Variants in VAT1L observed in about 807,000 individuals in gnomAD.
VAT1L encodes the protein vesicle amine transport 1 like.
In VAT1L, 34 loss-of-function variants were observed where a neutral mutation model predicts 44.1. The observed-to-expected ratio is 0.77, with a 90% confidence interval of 0.59 to 1.03. The LOEUF is 1.03. VAT1L is among the 50% of genes least tolerant of loss of function. VAT1L has a pLI of 0.00. For synonymous variants in VAT1L, 253 were observed against 202.2 expected (o/e 1.25, Z -2.13); for missense variants, 615 against 538.8 (o/e 1.14, Z -1.40).
rs1173601850 is a variant in VAT1L at position 77,817,032 on chromosome 16, C to A, written c.345C>A (p.Asp115Glu). 1 of 1,613,834 alleles carries A rather than the reference C, an allele frequency of 6.2e-7. No homozygotes were observed. Among genetic ancestry groups the A allele is most frequent in the Non-Finnish European group, 8.5e-7 (1 of 1,179,870 alleles). Reference protein sequence around the residue: ...ECSGIVEALGDSVKGYEIGDR... With the variant: ...ECSGIVEALGESVKGYEIGDR... Reference sequence around the variant, plus strand: ...CTGGGATTGTTGAAGCTCTGGGGGACAGCGTGAAAGGATATGAGGTAATGT... The same window carrying A: ...CTGGGATTGTTGAAGCTCTGGGGGAAAGCGTGAAAGGATATGAGGTAATGT... The change falls in exon 2 of 9, where the codon GAC (aspartate) becomes GAA (glutamate). Residue 115 changes from aspartate to glutamate, a missense_variant. Coordinates refer to ENST00000302536, the MANE Select transcript of VAT1L (RefSeq NM_020927.3).
chr16:77,854,132 G>GA (rs796642195), intron 3 of VAT1L, among the ~76,000 whole-genome samples: 126 of 141,412 alleles, frequency 8.9e-4, no homozygotes, highest in Middle Eastern at 3.6e-3. Flanking sequence ...TGTCTCAAAC[G>GA]AAAAAAAAAA....
chr16:77,906,753 G>A (rs983726780), intron 7 of VAT1L, among the ~76,000 whole-genome samples: 4 of 152,202 alleles, frequency 2.6e-5, no homozygotes, highest in Non-Finnish European at 5.9e-5. Flanking sequence ...GGTTGTGCAT[G>A]TGAGTGGGCT....
chr16:77,948,323 C>T (rs1280287190), intron 7 of VAT1L, among the ~76,000 whole-genome samples: 2 of 152,196 alleles, frequency 1.3e-5, no homozygotes, highest in Non-Finnish European at 2.9e-5. Context: ...TGAAAGGGTA[C>T]ACTTGTCTAT....
chr16:77,971,025 T>A (rs374364516), intron 7 of VAT1L, among the ~76,000 whole-genome samples: 1 of 151,308 alleles, frequency 6.6e-6, no homozygotes, highest in African/African-American at 2.4e-5. Context: ...TTTTTTTTCT[T>A]AATCAAGAGA....
chr16:77,792,395 A>G (rs1945172172), intron 1 of VAT1L, among the ~76,000 whole-genome samples: 1 of 152,122 alleles, frequency 6.6e-6, no homozygotes, highest in South Asian at 2.1e-4. Context: ...AACCTGACGC[A>G]GGGATCCTTT....
chr16:77,966,082 T>A (rs771687879), intron 7 of VAT1L, among the ~76,000 whole-genome samples: 6 of 152,244 alleles, frequency 3.9e-5, no homozygotes, highest in Non-Finnish European at 7.3e-5. Context: ...TGAGTATATA[T>A]TGAAATAACA....
At chr16:77,823,790 G>A (rs1417208938) in intron 2 of VAT1L, among the ~76,000 whole-genome samples, 3 of 152,136 alleles carry the variant, frequency 2.0e-5, no homozygotes, top group South Asian at 2.1e-4. Context: ...AGGCCAAGGC[G>A]GGTGGATCAC....
chr16:77,970,051 TAAAAAAAAAAAA>T, intron 7 of VAT1L, among the ~76,000 whole-genome samples: 1 of 86,822 alleles, frequency 1.2e-5, no homozygotes, highest in African/African-American at 4.8e-5. Flanking sequence ...ACATCTCTAC[TAAAAAAAAAAAA>T]AAAAAAAAAA....
At chr16:77,902,318 A>G (rs2017391426) in intron 7 of VAT1L, among the ~76,000 whole-genome samples, 1 of 152,218 alleles carries the variant, frequency 6.6e-6, no homozygotes, top group African/African-American at 2.4e-5. Flanking sequence ...ACAATAGTCA[A>G]TGGGGTTTTT....
chr16:77,954,263 A>C (rs173857), intron 7 of VAT1L, among the ~76,000 whole-genome samples: 66,407 of 152,082 alleles, frequency 0.44, 14,709 homozygotes, highest in Middle Eastern at 0.5. Context: ...AGTCACGGCT[A>C]TCTGCTGCTT....
intron 7 of VAT1L, among the ~76,000 whole-genome samples, chr16:77,886,773 T>A (rs1362795962): frequency 6.6e-6 from 1 of 152,154 alleles, no homozygotes; most frequent in Non-Finnish European, 1.5e-5. Context: ...TATACGTTGG[T>A]GAGTGGAGGG....
intron 7 of VAT1L, among the ~76,000 whole-genome samples, chr16:77,888,761 TA>T (rs1243730099): frequency 1.3e-5 from 2 of 152,100 alleles, no homozygotes; most frequent in African/African-American, 4.8e-5. Flanking sequence ...GGGACAAGGG[TA>T]GGGGCAAAAC....
At chr16:77,916,037 T>A (rs1454652440) in intron 7 of VAT1L, among the ~76,000 whole-genome samples, 1 of 152,194 alleles carries the variant, frequency 6.6e-6, no homozygotes, top group Non-Finnish European at 1.5e-5. Flanking sequence ...TGAGAGCTGT[T>A]CTGGGAATGC....
chr16:77,939,989 A>G (rs755595828), intron 7 of VAT1L, among the ~76,000 whole-genome samples: 5 of 152,224 alleles, frequency 3.3e-5, no homozygotes, highest in Admixed American at 6.5e-5. Flanking sequence ...AAATGAGATC[A>G]TCAGACTTAA....
chr16:77,813,631 G>C (rs1327720656), intron 1 of VAT1L, among the ~76,000 whole-genome samples: 1 of 152,160 alleles, frequency 6.6e-6, no homozygotes, highest in Non-Finnish European at 1.5e-5. Context: ...AATTCTTCCA[G>C]CTATTGGCTT....
intron 7 of VAT1L, chr16:77,892,818 A>C (rs914643130): frequency 3.6e-6 from 3 of 828,552 alleles, no homozygotes; most frequent in African/African-American, 1.7e-5. Flanking sequence ...GACAAGGTGA[A>C]AGAAGGCATG....
At chr16:77,863,610 AG>A (rs1475507579) in intron 4 of VAT1L, among the ~76,000 whole-genome samples, 1 of 152,144 alleles carries the variant, frequency 6.6e-6, no homozygotes. Context: ...AGGGGCAGGG[AG>A]GGGGCTGCTC....
intron 7 of VAT1L, among the ~76,000 whole-genome samples, chr16:77,917,794 G>T (rs1047916252): frequency 1.3e-5 from 2 of 152,188 alleles, no homozygotes; most frequent in African/African-American, 4.8e-5. Flanking sequence ...TAAGGAGAGT[G>T]TATGATTTCT....
chr16:77,873,387 T>C (rs1157526391), intron 4 of VAT1L, among the ~76,000 whole-genome samples: 3 of 152,222 alleles, frequency 2.0e-5, no homozygotes, highest in Non-Finnish European at 4.4e-5. Context: ...CTCTGAAATA[T>C]GAGTTTCCTT....
Sources: gnomAD v4.1 joint callset for allele counts (sites outside exome capture counted in the v4.1 genomes callset) on GRCh38, gnomAD v4.1.1 for gene constraint, MANE v1.5 for transcripts, NCBI Gene and HGNC (gene_info 2026-07-23, HGNC 2026-07-21) for gene names.